Variants in TTLL7 observed in about 807,000 individuals in gnomAD.
TTLL7 encodes tubulin tyrosine ligase like 7, also known as tubulin polyglutamylase TTLL7.
A neutral mutation model predicts 120.2 loss-of-function variants in TTLL7; 53 were observed. The observed-to-expected ratio is 0.44, with a 90% CI of 0.35 to 0.55. The LOEUF is 0.55. Ranked by LOEUF, TTLL7 falls within the 20% of genes least tolerant of loss-of-function variation. TTLL7 has a pLI of 0.00. For synonymous variants in TTLL7, 353 were observed against 351.7 expected, an observed-to-expected ratio of 1.00 and a Z score of -0.04; for missense variants, 803 against 1,054.7, an observed-to-expected ratio of 0.76 and a Z score of 3.31.
At chr1:83,956,795 A>C (rs1649568063) in intron 1 of TTLL7, among the ~76,000 whole-genome samples, 1 of 152,184 alleles carries the variant, frequency 6.6e-6, no homozygotes, top group Non-Finnish European at 1.5e-5. Context: ...CTGCCACTTG[A>C]GCAAACCAAC....
chr1:83,994,435 G>A lies in TTLL7; in HGVS notation c.-177+4496C>T, dbSNP rs11811229. Among the ~76,000 whole-genome samples, 470 of 152,300 alleles carry A rather than the reference G, an allele frequency of 3.1e-3. 2 individuals carry two copies. Among genetic ancestry groups the A allele is most frequent in the African/African-American group, 0.01 (435 of 41,562 alleles). On this transcript the variant is annotated intron_variant, in intron 1 of 20. Transcript: ENST00000260505. ...AGCAAGTCAGGAGCCCAAAGGACCCGTCCAACACTGGGCCCCTGCCCTTCT... is the reference window on the plus strand; with the variant it reads ...AGCAAGTCAGGAGCCCAAAGGACCCATCCAACACTGGGCCCCTGCCCTTCT...
In TTLL7 at chr1:83,897,400, T is replaced by C. The variant is rs528379815; in HGVS notation, c.2208+6679A>G. Among the ~76,000 whole-genome samples the C allele has an allele frequency of 1.6e-4, 25 of 152,228 alleles. No individual in the cohort carries two copies. In the South Asian group the frequency reaches 5.0e-3, roughly 30 times the overall value. On this transcript the variant is annotated intron_variant, in intron 18 of 20. Coordinates refer to ENST00000260505, the MANE Select transcript of TTLL7 (RefSeq NM_024686.6). ...ATGAGTAAACAACTCTCAAAATCCC[T>C]AACAGTGTCTAGCATATTATTTGTA...
rs1420063798 is a variant in TTLL7 at position 83,869,945 on chromosome 1, C to T, written c.*17G>A. 1.8e-5 allele frequency: 28 copies of T among 1,594,142 alleles called. No homozygotes were observed. The highest frequency in any genetic ancestry group is 3.5e-5 in the South Asian group (3 of 86,326). ...AATTGCTGTTATGTATAACCAATGG[C>T]GATCTTCCCTTCTGTTTCACAGATG... On this transcript the variant is annotated 3_prime_UTR_variant, in exon 21 of 21. Transcript: ENST00000260505.
At chr1:83,954,192 A>C (rs773038160) in intron 1 of TTLL7, among the ~76,000 whole-genome samples, 2 of 152,180 alleles carry the variant, frequency 1.3e-5, no homozygotes, top group Non-Finnish European at 2.9e-5. Context: ...AACAAGCTTC[A>C]CCTAACTATA....
At chr1:83,922,413 G>C (rs1236002820) in intron 10 of TTLL7, among the ~76,000 whole-genome samples, 2 of 152,206 alleles carry the variant, frequency 1.3e-5, no homozygotes, top group East Asian at 3.9e-4. Context: ...TTCATCATGA[G>C]ATTGCATGAA....
chr1:83,919,878 C>T (rs770753303), intron 12 of TTLL7, 44 bp from the exon 13 acceptor site: 32 of 1,587,090 alleles, frequency 2.0e-5, no homozygotes, highest in Non-Finnish European at 2.7e-5. Flanking sequence ...AAGAAGCTGT[C>T]GTAGCTCAAT....
chr1:83,907,444 C>G lies in TTLL7; in HGVS notation c.1992+12G>C, dbSNP rs775672106. On this transcript the variant is annotated intron_variant, in intron 16 of 20. Coordinates refer to ENST00000260505, the MANE Select transcript of TTLL7 (RefSeq NM_024686.6). ...TCCCTGTAATCTTGAAAGAGCAAAACAGATGACCTACCACTTGAGAGTTGG... is the reference window on the plus strand; with the variant it reads ...TCCCTGTAATCTTGAAAGAGCAAAAGAGATGACCTACCACTTGAGAGTTGG... 6.2e-6 allele frequency: 10 copies of G among 1,611,408 alleles called. No homozygotes were observed. In the East Asian group the frequency reaches 2.0e-4, roughly 32 times the overall value.
intron 4 of TTLL7, 159 bp from the exon 5 acceptor site, chr1:83,948,854 A>G: frequency 4.0e-6 from 2 of 500,632 alleles, no homozygotes; most frequent in Non-Finnish European, 6.9e-6. Flanking sequence ...GTGAATTTGT[A>G]GAATTAAAGA....
chr1:83,967,943 C>T (rs375454163), intron 1 of TTLL7, among the ~76,000 whole-genome samples: 25 of 152,070 alleles, frequency 1.6e-4, no homozygotes, highest in East Asian at 9.7e-4. Context: ...GAAAGGAAGA[C>T]ACTTTTATTC....
intron 18 of TTLL7, among the ~76,000 whole-genome samples, chr1:83,896,764 C>T (rs549941232): frequency 6.6e-6 from 1 of 152,164 alleles, no homozygotes; most frequent in South Asian, 2.1e-4. Flanking sequence ...TACAGTACAA[C>T]CTTAATGTCA....
At chr1:83,903,577 C>T (rs963533419) in intron 18 of TTLL7, among the ~76,000 whole-genome samples, 1 of 151,930 alleles carries the variant, frequency 6.6e-6, no homozygotes, top group African/African-American at 2.4e-5. Flanking sequence ...GCACATCCAC[C>T]TGTATATTTT....
chr1:83,978,238 A>G (rs1041672068), intron 1 of TTLL7, among the ~76,000 whole-genome samples: 6 of 152,186 alleles, frequency 3.9e-5, no homozygotes, highest in African/African-American at 1.4e-4. Flanking sequence ...CCAGTCAGGA[A>G]GGGAGATTGA....
chr1:83,892,657 A>AACATAT (rs1392455695), intron 18 of TTLL7, among the ~76,000 whole-genome samples: 1 of 117,570 alleles, frequency 8.5e-6, no homozygotes, highest in Non-Finnish European at 2.0e-5. Context: ...TGAACATATG[A>AACATAT]ATGAACATAT....
At chr1:83,882,412 A>ACG (rs2100709341) in intron 20 of TTLL7, among the ~76,000 whole-genome samples, 1 of 54,132 alleles carries the variant, frequency 1.8e-5, no homozygotes, top group Admixed American at 2.3e-4. Context: ...TACTTTCTTT[A>ACG]CTCTGTGTTT....
At chr1:83,953,225 T>C (rs943097627) in intron 1 of TTLL7, among the ~76,000 whole-genome samples, 2 of 152,222 alleles carry the variant, frequency 1.3e-5, no homozygotes, top group Non-Finnish European at 2.9e-5. Context: ...TATATGAACG[T>C]AGGCATTTAT....
At chr1:83,884,640 G>C (rs1271729248) in intron 19 of TTLL7, among the ~76,000 whole-genome samples, 2 of 147,712 alleles carry the variant, frequency 1.4e-5, no homozygotes, top group Non-Finnish European at 3.0e-5. Context: ...TCCAAACACT[G>C]CATGTTCTCA....
At position 83,999,070 on chromosome 1, in the gene TTLL7, C is replaced by G. The variant is rs1040220709; in HGVS notation, c.-316G>C. ...CTGGTGGTCCGGTGCTCTCCTCCGC[C>G]CGCCCACCGCCCGTGGCAGCCACGG... On this transcript the variant is annotated 5_prime_UTR_variant, in exon 1 of 21. Transcript: ENST00000260505. The G allele has an allele frequency of 1.6e-5, 7 of 445,834 alleles. No individual in the cohort carries two copies. Among genetic ancestry groups the G allele is most frequent in the South Asian group, 1.1e-4 (7 of 62,858 alleles). The allele number at this position is 445,834 out of a possible 1,614,324, so 27.6% of individuals were successfully genotyped here.
chr1:83,996,485 G>C (rs986803894), intron 1 of TTLL7, among the ~76,000 whole-genome samples: 27 of 152,154 alleles, frequency 1.8e-4, no homozygotes, highest in African/African-American at 6.0e-4. Flanking sequence ...AATCCTTCCA[G>C]TCTCTGAGAC....
rs777782456 is a variant in TTLL7 at position 83,911,409 on chromosome 1, GGT to G, written c.1588-48_1588-47del. 6.1e-6 allele frequency: 9 copies of G among 1,468,092 alleles called. No homozygotes were observed. The East Asian group carries it at 2.1e-4, about 34-fold the overall frequency. 90.9% of individuals were successfully genotyped at this position (1,468,092 alleles called of 1,614,324 possible). On this transcript the variant is annotated intron_variant, in intron 14 of 20. Transcript: ENST00000260505. ...TTATTTTGTTAGAATTCTTAAAAAA[GGT>G]TTATTGATATGATTAGTTACTATTT... is the stretch of plus-strand genomic sequence containing the variant.
Sources: allele counts gnomAD v4.1 joint callset (sites outside exome capture counted in the v4.1 genomes callset), GRCh38; gene constraint gnomAD v4.1.1; transcripts MANE v1.5; gene names NCBI Gene and HGNC (gene_info 2026-07-23, HGNC 2026-07-21).